The following EFNA5 variants were observed in gnomAD, a reference collection of about 807,000 sequenced individuals.
EFNA5 encodes ephrin-A5.
In EFNA5, 5 loss-of-function variants were observed where a neutral mutation model predicts 22.9. That is an observed-to-expected ratio of 0.22 (90% confidence interval 0.11 to 0.46). EFNA5 has a LOEUF of 0.46. Among genes scored for constraint, EFNA5 ranks in the 20% least tolerant of loss-of-function variants. EFNA5 has a pLI of 0.99. For synonymous variants in EFNA5, 113 were observed against 112.2 expected, an observed-to-expected ratio of 1.01 and a Z score of -0.04; for missense variants, 237 against 293.3, an observed-to-expected ratio of 0.81 and a Z score of 1.40.
chr5:107,453,220 C>T (rs1168570149), intron 1 of EFNA5, among the ~76,000 whole-genome samples: 1 of 152,102 alleles, frequency 6.6e-6, no homozygotes, highest in South Asian at 2.1e-4. Context: ...GATGTGAAGG[C>T]TATTTAGACA....
chr5:107,637,893 C>T (rs955330906), intron 1 of EFNA5, among the ~76,000 whole-genome samples: 2 of 151,782 alleles, frequency 1.3e-5, no homozygotes, highest in African/African-American at 4.8e-5. Context: ...GTCGCCCAGG[C>T]TGGAGTGCAG....
chr5:107,630,808 A>G (rs938538330), intron 1 of EFNA5, among the ~76,000 whole-genome samples: 1 of 152,230 alleles, frequency 6.6e-6, no homozygotes, highest in Non-Finnish European at 1.5e-5. Flanking sequence ...ACAACTGTAC[A>G]AAGTATTTTC....
At chr5:107,401,529 C>G (rs1484735046) in intron 2 of EFNA5, among the ~76,000 whole-genome samples, 2 of 152,118 alleles carry the variant, frequency 1.3e-5, no homozygotes, top group Non-Finnish European at 2.9e-5. Context: ...CCTGTGATAC[C>G]TTTACAGATA....
chr5:107,416,497 C>T lies in EFNA5; in HGVS notation c.418+10720G>A, dbSNP rs373465134. 8.5e-5 allele frequency among the ~76,000 whole-genome samples: 13 copies of T among 152,180 alleles called. No individual in the cohort carries two copies. In the East Asian group the frequency reaches 1.9e-3, roughly 23 times the overall value. ...ATCTATATGATAGATAATGATAGTA[C>T]CGGCCTCACAGATGAGGATTCAACA... On this transcript the variant is annotated intron_variant, in intron 2 of 4. Coordinates refer to ENST00000333274, the MANE Select transcript of EFNA5 (RefSeq NM_001962.3).
intron 1 of EFNA5, among the ~76,000 whole-genome samples, chr5:107,550,404 C>T (rs1485553882): frequency 1.3e-5 from 2 of 152,170 alleles, no homozygotes; most frequent in African/African-American, 2.4e-5. Flanking sequence ...GACTACAACA[C>T]TGAATTTACT....
At chr5:107,515,559 G>A (rs1324457270) in intron 1 of EFNA5, among the ~76,000 whole-genome samples, 3 of 151,442 alleles carry the variant, frequency 2.0e-5, no homozygotes, top group African/African-American at 2.4e-5. Flanking sequence ...TGTGTTTTTC[G>A]TAGAGACAGG....
intron 1 of EFNA5, among the ~76,000 whole-genome samples, chr5:107,556,296 C>G (rs879385038): frequency 1.3e-5 from 2 of 151,934 alleles, no homozygotes; most frequent in Admixed American, 6.6e-5. Flanking sequence ...TATATGTACA[C>G]ATTCTTACTT....
intron 1 of EFNA5, among the ~76,000 whole-genome samples, chr5:107,581,349 T>C (rs1414701019): frequency 6.6e-6 from 1 of 152,212 alleles, no homozygotes; most frequent in Non-Finnish European, 1.5e-5. Flanking sequence ...GAGAGATTAT[T>C]CATTATCATG....
intron 1 of EFNA5, among the ~76,000 whole-genome samples, chr5:107,464,366 C>G (rs1053103015): frequency 6.6e-6 from 1 of 152,112 alleles, no homozygotes; most frequent in East Asian, 1.9e-4. Context: ...TGCCCCAGCC[C>G]CAGAATAAAT....
chr5:107,667,287 TAA>T (rs1408012021), intron 1 of EFNA5, among the ~76,000 whole-genome samples: 1 of 152,094 alleles, frequency 6.6e-6, no homozygotes, highest in African/African-American at 2.4e-5. Context: ...TACTACCAAC[TAA>T]AAGTTATCAG....
intron 1 of EFNA5, among the ~76,000 whole-genome samples, chr5:107,471,289 T>C (rs554080766): frequency 1.1e-3 from 161 of 152,242 alleles, no homozygotes; most frequent in African/African-American, 3.6e-3. Flanking sequence ...CTCTGTTGAT[T>C]CCCCCTTTTT....
At chr5:107,426,951 C>T in intron 2 of EFNA5, 1 of 375,284 alleles carries the variant, frequency 2.7e-6, no homozygotes, top group Non-Finnish European at 4.8e-6. Flanking sequence ...GAAGTCCTGG[C>T]AATTTTCATT....
chr5:107,491,185 G>T (rs952610074), intron 1 of EFNA5, among the ~76,000 whole-genome samples: 14 of 152,134 alleles, frequency 9.2e-5, no homozygotes, highest in African/African-American at 3.4e-4. Context: ...CTGGCCAAAC[G>T]GCCTCCAACG....
At chr5:107,506,706 C>T (rs1002163937) in intron 1 of EFNA5, among the ~76,000 whole-genome samples, 4 of 152,042 alleles carry the variant, frequency 2.6e-5, no homozygotes, top group African/African-American at 4.8e-5. Context: ...ATAACATGAT[C>T]AGAAGAGCAA....
chr5:107,591,925 TA>T (rs1561442960), intron 1 of EFNA5, among the ~76,000 whole-genome samples: 1 of 9,358 alleles, frequency 1.1e-4, no homozygotes, highest in Non-Finnish European at 1.7e-4. Context: ...AATATATATA[TA>T]ATATATAATA....
intron 1 of EFNA5, among the ~76,000 whole-genome samples, chr5:107,607,167 TAA>T (rs2112517402): frequency 6.6e-6 from 1 of 152,350 alleles, no homozygotes; most frequent in South Asian, 2.1e-4. Flanking sequence ...GTGTATATCC[TAA>T]AAGAGATTGT....
At chr5:107,481,293 G>C (rs1254576809) in intron 1 of EFNA5, among the ~76,000 whole-genome samples, 1 of 152,202 alleles carries the variant, frequency 6.6e-6, no homozygotes, top group African/African-American at 2.4e-5. Flanking sequence ...GGCTGGATGA[G>C]AACTGAACTT....
intron 1 of EFNA5, among the ~76,000 whole-genome samples, chr5:107,495,814 T>G (rs1438013326): frequency 1.3e-5 from 2 of 152,182 alleles, no homozygotes; most frequent in African/African-American, 4.8e-5. Flanking sequence ...ACAATGGTTA[T>G]AGGCCTGGTG....
Position 107,659,535 on chromosome 5 carries a change from A to C in EFNA5, c.125+10954T>G, listed in dbSNP as rs376617538. Among the ~76,000 whole-genome samples the C allele has an allele frequency of 1.6e-3, 236 of 147,844 alleles. 1 individual carries two copies. Among genetic ancestry groups the C allele is most frequent in the Middle Eastern group, 6.9e-3 (2 of 288 alleles). On this transcript the variant is annotated intron_variant, in intron 1 of 4. Coordinates refer to ENST00000333274, the MANE Select transcript of EFNA5 (RefSeq NM_001962.3). ...TTTTTTAGTTTCCTTTTCTTTCTCA[A>C]ATCTTCCATAGGTCTACAGGCCCAG...
Sources: allele counts gnomAD v4.1 joint callset (sites outside exome capture counted in the v4.1 genomes callset), GRCh38; gene constraint gnomAD v4.1.1; transcripts MANE v1.5; gene names NCBI Gene and HGNC (gene_info 2026-07-23, HGNC 2026-07-21).